The following CHST15 variants were observed in gnomAD, a reference collection of about 807,000 sequenced individuals.
CHST15 encodes carbohydrate sulfotransferase 15.
Under a neutral mutation model 53.6 loss-of-function variants are expected in CHST15, and 30 were observed. The ratio of observed to expected loss-of-function variants is 0.56; its 90% CI spans 0.42 to 0.76. The LOEUF (loss-of-function observed/expected upper bound fraction) is 0.76. Ranked by LOEUF, CHST15 falls within the 30% of genes least tolerant of loss-of-function variation. The probability of loss-of-function intolerance (pLI) is 0.00; values close to 1 mark genes in which losing one functional copy is unlikely to be tolerated. For missense variants in CHST15, 627 were observed against 740.5 expected (o/e 0.85, Z 1.78); for synonymous variants, 296 against 289.8 (o/e 1.02, Z -0.22).
At position 124,020,575 on chromosome 10, in the gene CHST15, T is replaced by C. The variant is rs565169847; in HGVS notation, c.1347+681A>G. The C allele has an allele frequency of 6.1e-6, 6 of 985,740 alleles. No individual in the cohort carries two copies. The African/African-American group carries it at 7.0e-5, about 11-fold the overall frequency. 61.1% of individuals were successfully genotyped at this position (985,740 alleles called of 1,614,324 possible). A position where few individuals can be genotyped will look rare whatever the true frequency, so the allele number is the denominator to read the frequency against. ...CAGCAGGCCTGTTGGTGCCTTGCTA[T>C]GCGAGACGCTGAGCAGAGCAAGGCT... is the stretch of plus-strand genomic sequence containing the variant. On this transcript the variant is annotated intron_variant, in intron 6 of 7. Coordinates refer to ENST00000435907, the MANE Select transcript of CHST15 (RefSeq NM_001270764.2).
In CHST15 at chr10:124,076,368, G is replaced by GGA. The variant is rs1173259067; in HGVS notation, c.-513+17099_-513+17100dup. Among the ~76,000 whole-genome samples, 4 of 152,184 alleles carry GGA rather than the reference G, an allele frequency of 2.6e-5. No individual in the cohort carries two copies. The East Asian group carries it at 7.7e-4, about 29-fold the overall frequency. ...AGACTGTCCCAGATTCCCGATGCGT[G>GGA]GAGACTGAGAAAGTCACATGAAATT... On this transcript the variant is annotated intron_variant, in intron 1 of 7. Transcript: ENST00000435907.
At chr10:124,051,111 T>C (rs1948178613) in intron 1 of CHST15, among the ~76,000 whole-genome samples, 1 of 151,836 alleles carries the variant, frequency 6.6e-6, no homozygotes, top group Admixed American at 6.6e-5. Context: ...CCCGGCTAAT[T>C]TTTGCATTTT....
intron 7 of CHST15, chr10:124,010,598 G>C: frequency 2.0e-6 from 2 of 985,444 alleles, no homozygotes; most frequent in Non-Finnish European, 2.4e-6. Flanking sequence ...GGCATTTAAT[G>C]ATGATACAGC....
intron 7 of CHST15, among the ~76,000 whole-genome samples, chr10:124,012,069 C>G (rs1946432331): frequency 6.6e-6 from 1 of 152,202 alleles, no homozygotes; most frequent in Non-Finnish European, 1.5e-5. Context: ...GCTTCCTCCT[C>G]TCCCTTCACT....
At chr10:124,035,287 C>A (rs1437354064) in intron 5 of CHST15, among the ~76,000 whole-genome samples, 1 of 137,810 alleles carries the variant, frequency 7.3e-6, no homozygotes, top group Non-Finnish European at 1.6e-5. Flanking sequence ...GACCCTGGCT[C>A]TACCCCTGAT....
At chr10:124,028,826 G>A (rs771593576) in intron 5 of CHST15, among the ~76,000 whole-genome samples, 9 of 152,202 alleles carry the variant, frequency 5.9e-5, no homozygotes, top group African/African-American at 1.4e-4. Context: ...AGTTGCAGGC[G>A]GCTGGGAGCA....
At chr10:124,039,223 A>G (rs1362352185) in intron 4 of CHST15, among the ~76,000 whole-genome samples, 1 of 152,192 alleles carries the variant, frequency 6.6e-6, no homozygotes, top group African/African-American at 2.4e-5. Flanking sequence ...TGGGGGCCCA[A>G]GATGATGAAA....
intron 1 of CHST15, among the ~76,000 whole-genome samples, chr10:124,047,539 G>C (rs966624822): frequency 2.6e-5 from 4 of 152,144 alleles, no homozygotes; most frequent in African/African-American, 7.2e-5. Context: ...GTCGTAGAAA[G>C]AGCCATGGAT....
At chr10:124,075,582 G>A (rs966012148) in intron 1 of CHST15, among the ~76,000 whole-genome samples, 82 of 152,148 alleles carry the variant, frequency 5.4e-4, no homozygotes, top group African/African-American at 1.7e-3. Context: ...GACTTGGGCA[G>A]CTCTCTCCTG....
intron 1 of CHST15, among the ~76,000 whole-genome samples, chr10:124,055,035 T>C (rs1278234583): frequency 3.3e-5 from 5 of 152,120 alleles, no homozygotes; most frequent in Admixed American, 6.5e-5. Context: ...GGGGCTGCAA[T>C]GACCCAGGAT....
At chr10:124,063,950 G>GA (rs1948673589) in intron 1 of CHST15, among the ~76,000 whole-genome samples, 2 of 152,166 alleles carry the variant, frequency 1.3e-5, no homozygotes, top group Non-Finnish European at 2.9e-5. Flanking sequence ...TCAGTGCTAT[G>GA]TAAACATGAT....
rs779684553 is a variant in CHST15, at chr10:124,007,767, C to T, written c.*2382G>A. 4.9e-6 allele frequency: 6 copies of T among 1,231,250 alleles called. No homozygotes were observed. Among genetic ancestry groups the T allele is most frequent in the African/African-American group, 1.6e-5 (1 of 64,424 alleles). The allele number at this position is 1,231,250 out of a possible 1,614,324, so 76.3% of individuals were successfully genotyped here. On this transcript the variant is annotated 3_prime_UTR_variant, in exon 8 of 8. Transcript: ENST00000435907. ...ATAAAAGTACAGCGTAACTGCGATTCACTTAACATACCTTACAGGACTAAG... is the reference window on the plus strand; with the variant it reads ...ATAAAAGTACAGCGTAACTGCGATTTACTTAACATACCTTACAGGACTAAG...
chr10:124,060,728 C>T (rs1383964719), intron 1 of CHST15, among the ~76,000 whole-genome samples: 7 of 152,226 alleles, frequency 4.6e-5, no homozygotes, highest in Non-Finnish European at 1.0e-4. Context: ...AAATTTCAAA[C>T]ATTGAAAACA....
At chr10:124,039,286 C>G (rs931491459) in intron 4 of CHST15, among the ~76,000 whole-genome samples, 1 of 152,192 alleles carries the variant, frequency 6.6e-6, no homozygotes, top group Non-Finnish European at 1.5e-5. Flanking sequence ...TGGGGCAGAG[C>G]TGAGCCACAT....
At chr10:124,021,454 T>C (rs777409316) in intron 5 of CHST15, 42 bp from the exon 6 acceptor site, 4 of 1,574,982 alleles carry the variant, frequency 2.5e-6, no homozygotes, top group South Asian at 1.2e-5. Flanking sequence ...CCCATGAACA[T>C]GCAATCACAC....
At chr10:124,086,001 G>T (rs1041292728) in intron 1 of CHST15, among the ~76,000 whole-genome samples, 7 of 152,164 alleles carry the variant, frequency 4.6e-5, no homozygotes, top group Admixed American at 2.6e-4. Context: ...AGGCCCTGTG[G>T]GGGGCTGGGA....
At chr10:124,039,414 T>A (rs1264069954) in intron 4 of CHST15, among the ~76,000 whole-genome samples, 1 of 152,236 alleles carries the variant, frequency 6.6e-6, no homozygotes, top group Non-Finnish European at 1.5e-5. Flanking sequence ...CTAACCCTTA[T>A]GAGGAATTTG....
chr10:124,060,541 C>T (rs1948534345), intron 1 of CHST15, among the ~76,000 whole-genome samples: 1 of 149,646 alleles, frequency 6.7e-6, no homozygotes, highest in Non-Finnish European at 1.5e-5. Context: ...TGTGCCAGAC[C>T]CCCAGGGGTA....
chr10:124,012,601 T>A, intron 6 of CHST15, 121 bp from the exon 7 acceptor site: 1 of 1,146,842 alleles, frequency 8.7e-7, no homozygotes, highest in Non-Finnish European at 1.2e-6. Flanking sequence ...AAAGTTACTT[T>A]CAGAAGCTGG....
Sources: allele counts gnomAD v4.1 joint callset (sites outside exome capture counted in the v4.1 genomes callset), GRCh38; gene constraint gnomAD v4.1.1; transcripts MANE v1.5; gene names NCBI Gene and HGNC (gene_info 2026-07-23, HGNC 2026-07-21).